PCDHGB5: variants seen among roughly 807,000 people sequenced by gnomAD.
PCDHGB5 encodes protocadherin gamma subfamily B, 5, also known as protocadherin gamma-B5.
A neutral mutation model predicts 62.9 loss-of-function variants in PCDHGB5; 48 were observed. The observed-to-expected ratio is 0.76, with a 90% CI of 0.61 to 0.97. PCDHGB5 has a LOEUF of 0.97. Ranked by LOEUF, PCDHGB5 falls within the 50% of genes least tolerant of loss-of-function variation. The probability of loss-of-function intolerance (pLI) is 0.00; values close to 1 mark genes in which losing one functional copy is unlikely to be tolerated. For missense variants in PCDHGB5, 1,118 were observed against 1,198.6 expected (o/e 0.93, Z 0.99); for synonymous variants, 474 against 511.2 (o/e 0.93, Z 0.98).
At chr5:141,415,394 C>A (rs893251079) in intron 1 of PCDHGB5, 29 of 1,614,110 alleles carry the variant, frequency 1.8e-5, no homozygotes, top group Non-Finnish European at 2.3e-5. Context: ...ACAGGTGTGT[C>A]CGGCTCGCAC....
chr5:141,470,869 T>C (rs1215083835), intron 1 of PCDHGB5, among the ~76,000 whole-genome samples: 1 of 151,910 alleles, frequency 6.6e-6, no homozygotes, highest in African/African-American at 2.4e-5. Context: ...TTTGTTTGTT[T>C]GTTTTTTTGT....
intron 1 of PCDHGB5, chr5:141,422,453 G>GA: frequency 6.2e-7 from 1 of 1,611,704 alleles, no homozygotes. Context: ...ATAACAAGCA[G>GA]AGTGCTGGAC....
chr5:141,508,723 G>A (rs941469412), intron 3 of PCDHGB5, among the ~76,000 whole-genome samples: 2 of 151,814 alleles, frequency 1.3e-5, no homozygotes, highest in African/African-American at 4.8e-5. Context: ...TGTGTGCAGG[G>A]AGACTACACC....
chr5:141,426,754 T>C, intron 1 of PCDHGB5: 1 of 456,314 alleles, frequency 2.2e-6, no homozygotes, highest in Non-Finnish European at 4.4e-6. Context: ...GAATCTGCTA[T>C]AGATGCAGAT....
intron 1 of PCDHGB5, among the ~76,000 whole-genome samples, chr5:141,447,165 G>T (rs1192617600): frequency 6.6e-6 from 1 of 151,842 alleles, no homozygotes; most frequent in African/African-American, 2.4e-5. Flanking sequence ...TTTAAGCGGG[G>T]TCTTGCTCTT....
At chr5:141,420,064 C>T (rs1204112062) in intron 1 of PCDHGB5, 1 of 1,614,052 alleles carries the variant, frequency 6.2e-7, no homozygotes, top group Non-Finnish European at 8.5e-7. Context: ...GCTCCAAGTC[C>T]GGACCTGTGG....
At chr5:141,421,699 G>T (rs751572007) in intron 1 of PCDHGB5, 1 of 1,613,928 alleles carries the variant, frequency 6.2e-7, no homozygotes, top group Admixed American at 1.7e-5. Flanking sequence ...TCTTCCTAAT[G>T]CTAGGGATCC....
rs1158396440 is a variant in PCDHGB5, at chr5:141,400,421, G to A, written c.2294G>A (p.Cys765Tyr). ...TGKTEFNFLKCSEQLSSGQDI... is the reference protein window; with the variant it reads ...TGKTEFNFLKYSEQLSSGQDI... Reference sequence around the variant, plus strand: ...AAGACGGAGTTTAATTTCCTAAAATGTAGTGAGCAATTGAGTTCAGGACAA... The same window carrying A: ...AAGACGGAGTTTAATTTCCTAAAATATAGTGAGCAATTGAGTTCAGGACAA... The change falls in exon 1 of 4, where the codon TGT becomes TAT. Residue 765 changes from cysteine to tyrosine, a missense_variant. Around this residue, in one of 2 missense-constraint regions of PCDHGB5, gnomAD observed 1,034 missense variants for 1,029.1 expected, o/e 1.00. Coordinates refer to ENST00000617380, the MANE Select transcript of PCDHGB5 (RefSeq NM_018925.3). 1.2e-6 allele frequency: 2 copies of A among 1,613,948 alleles called. No homozygotes were observed.
intron 2 of PCDHGB5, among the ~76,000 whole-genome samples, chr5:141,504,354 G>C (rs1349256606): frequency 6.6e-6 from 1 of 152,100 alleles, no homozygotes; most frequent in Non-Finnish European, 1.5e-5. Flanking sequence ...TGTGCTAGGT[G>C]CTTCAGTAGG....
chr5:141,429,510 T>A (rs2097220128), intron 1 of PCDHGB5, among the ~76,000 whole-genome samples: 1 of 152,124 alleles, frequency 6.6e-6, no homozygotes, highest in African/African-American at 2.4e-5. Context: ...AAACTGTGCC[T>A]GGCAGAGAAA....
intron 1 of PCDHGB5, among the ~76,000 whole-genome samples, chr5:141,402,682 T>C (rs1012328239): frequency 2.0e-5 from 3 of 152,256 alleles, no homozygotes; most frequent in South Asian, 4.1e-4. Context: ...CCATCTGATA[T>C]AATGTTACAC....
chr5:141,489,830 A>G lies in PCDHGB5; in HGVS notation c.2398-4977A>G, dbSNP rs760376311. On this transcript the variant is annotated intron_variant, in intron 1 of 3. Coordinates refer to ENST00000617380, the MANE Select transcript of PCDHGB5 (RefSeq NM_018925.3). The surrounding 1 kb of genome is among the most constrained non-coding windows in gnomAD (Gnocchi z 4.5). ...AAGCCATTCCCAGAGCTGGTGCTAG[A>G]GCAGCAGCTGGATCGTGAAGCCCAG... 1.9e-6 allele frequency: 3 copies of G among 1,614,200 alleles called. No individual in the cohort carries two copies. Among genetic ancestry groups the G allele is most frequent in the East Asian group, 2.2e-5 (1 of 44,878 alleles).
intron 1 of PCDHGB5, among the ~76,000 whole-genome samples, chr5:141,481,293 TC>T (rs2099535148): frequency 6.6e-6 from 1 of 152,174 alleles, no homozygotes; most frequent in South Asian, 2.1e-4. Context: ...ATTTCAGTCA[TC>T]TAAGGGAAAA....
At chr5:141,510,910 A>T (rs780792326) in intron 3 of PCDHGB5, 37 bp from the exon 4 acceptor site, 1 of 1,613,740 alleles carries the variant, frequency 6.2e-7, no homozygotes, top group East Asian at 2.2e-5. Flanking sequence ...GAGGACCCTA[A>T]GTTTAGCTCC....
chr5:141,398,612 T>G lies in PCDHGB5; in HGVS notation c.485T>G (p.Ile162Ser). The G allele has an allele frequency of 6.2e-7, 1 of 1,614,024 alleles. No homozygotes were observed. The highest frequency in any genetic ancestry group is 8.5e-7 in the Non-Finnish European group (1 of 1,179,890). Residue 162 changes from isoleucine to serine, a missense_variant, in exon 1 of 4, where the codon ATT (isoleucine) becomes AGT (serine). By Grantham distance (142) the Ile-to-Ser change is moderately radical. Around this residue, in one of 2 missense-constraint regions of PCDHGB5, gnomAD observed 1,034 missense variants for 1,029.1 expected, o/e 1.00. Coordinates refer to ENST00000617380, the MANE Select transcript of PCDHGB5 (RefSeq NM_018925.3). ...CTAGAAGTAGCAGAAGATGCAGATA[T>G]TGGCTTAAACTCTCTGCAGAAGTAT... ...FILEVAEDAD[I>S]GLNSLQKYKL...
At chr5:141,492,241 C>G (rs1351937353) in intron 1 of PCDHGB5, among the ~76,000 whole-genome samples, 2 of 152,186 alleles carry the variant, frequency 1.3e-5, no homozygotes, top group East Asian at 3.9e-4. Context: ...TGCTGGCCAC[C>G]CCCACGGCCC....
chr5:141,438,526 G>A (rs188552043), intron 1 of PCDHGB5, among the ~76,000 whole-genome samples: 11 of 143,330 alleles, frequency 7.7e-5, no homozygotes, highest in Non-Finnish European at 1.5e-4. Flanking sequence ...ATTTTACATG[G>A]ACTTTTCCTC....
chr5:141,466,812 G>A (rs1394979761), intron 1 of PCDHGB5, among the ~76,000 whole-genome samples: 3 of 151,940 alleles, frequency 2.0e-5, no homozygotes, highest in Non-Finnish European at 4.4e-5. Flanking sequence ...ATTCAGACAT[G>A]GTATAACAAG....
At chr5:141,494,223 C>T (rs1435042163) in intron 1 of PCDHGB5, among the ~76,000 whole-genome samples, 2 of 152,192 alleles carry the variant, frequency 1.3e-5, no homozygotes, top group African/African-American at 4.8e-5. Context: ...TGGCATGACT[C>T]CTAAATTAAT....
Sources: allele counts gnomAD v4.1 joint callset (sites outside exome capture counted in the v4.1 genomes callset), GRCh38; gene constraint gnomAD v4.1.1; regional missense constraint gnomAD v4.1.1; non-coding constraint Gnocchi (gnomAD v3.1); transcripts MANE v1.5; gene names NCBI Gene and HGNC (gene_info 2026-07-23, HGNC 2026-07-21).